STPG2: variants seen among roughly 807,000 people sequenced by gnomAD.
STPG2 encodes sperm-tail PG-rich repeat-containing protein 2.
A neutral mutation model predicts 54.2 loss-of-function variants in STPG2; 56 were observed. The ratio of observed to expected loss-of-function variants is 1.03; its 90% CI spans 0.83 to 1.29. STPG2 has a LOEUF of 1.29. Among genes scored for constraint, STPG2 ranks in the 50% most tolerant of loss-of-function variants. STPG2 has a pLI of 0.00. For missense variants in STPG2, 596 were observed against 544.9 expected (o/e 1.09, Z -0.93); for synonymous variants, 200 against 181.8 (o/e 1.10, Z -0.81).
chr4:97,722,172 A>G (rs1445423966), intron 9 of STPG2, among the ~76,000 whole-genome samples: 1 of 151,894 alleles, frequency 6.6e-6, no homozygotes, highest in Non-Finnish European at 1.5e-5. Context: ...TAAGCTATCC[A>G]TGATTAGTAT....
intron 8 of STPG2, among the ~76,000 whole-genome samples, chr4:97,850,690 T>A (rs951145519): frequency 2.0e-5 from 3 of 152,128 alleles, no homozygotes; most frequent in Non-Finnish European, 4.4e-5. Flanking sequence ...ATAAAAGCCT[T>A]TTCTGAAGTC....
At chr4:97,541,901 G>A (rs1437469410) in intron 4 of STPG2, among the ~76,000 whole-genome samples, 1 of 152,150 alleles carries the variant, frequency 6.6e-6, no homozygotes, top group East Asian at 1.9e-4. Flanking sequence ...ATGGTGATGG[G>A]AAAACTGGCT....
chr4:97,820,954 C>A (rs1728070569), intron 9 of STPG2, among the ~76,000 whole-genome samples: 1 of 152,126 alleles, frequency 6.6e-6, no homozygotes, highest in Non-Finnish European at 1.5e-5. Flanking sequence ...GCATTTCGCC[C>A]TCTGCCCCCC....
intron 5 of STPG2, among the ~76,000 whole-genome samples, chr4:98,105,621 A>G (rs565209086): frequency 5.9e-5 from 9 of 152,252 alleles, no homozygotes; most frequent in African/African-American, 2.2e-4. Flanking sequence ...GGGTCAGAAA[A>G]AAACCAGCAG....
At chr4:98,084,065 G>C (rs144883486) in intron 5 of STPG2, among the ~76,000 whole-genome samples, 1 of 152,072 alleles carries the variant, frequency 6.6e-6, no homozygotes, top group East Asian at 1.9e-4. Flanking sequence ...GCCAGGTCTT[G>C]AACTCCTGGG....
intron 4 of STPG2, among the ~76,000 whole-genome samples, chr4:97,520,776 G>A (rs1206783394): frequency 6.6e-6 from 1 of 151,846 alleles, no homozygotes; most frequent in Admixed American, 6.6e-5. Flanking sequence ...CACAAATATT[G>A]TTTCTCTTTA....
chr4:97,573,235 C>T (rs1444085515), intron 10 of STPG2, among the ~76,000 whole-genome samples: 2 of 151,814 alleles, frequency 1.3e-5, no homozygotes, highest in South Asian at 2.1e-4. Context: ...TAACTATACA[C>T]GTTATATAAA....
At chr4:97,783,403 A>G (rs1726716800) in intron 9 of STPG2, among the ~76,000 whole-genome samples, 1 of 152,214 alleles carries the variant, frequency 6.6e-6, no homozygotes, top group Non-Finnish European at 1.5e-5. Context: ...TAGAATGGCG[A>G]TCATTAAAAA....
chr4:97,796,855 T>C (rs191545559), intron 9 of STPG2, among the ~76,000 whole-genome samples: 295 of 152,346 alleles, frequency 1.9e-3, no homozygotes, highest in African/African-American at 7.0e-3. Context: ...TTTGTTTATG[T>C]CCTCTTTTAT....
intron 5 of STPG2, among the ~76,000 whole-genome samples, chr4:98,068,006 C>A (rs1737886781): frequency 6.6e-6 from 1 of 152,116 alleles, no homozygotes; most frequent in African/African-American, 2.4e-5. Context: ...CTAGATGACC[C>A]AGGCGTCCAA....
intron 5 of STPG2, among the ~76,000 whole-genome samples, chr4:98,046,559 C>T (rs1737135156): frequency 2.0e-5 from 3 of 152,108 alleles, no homozygotes; most frequent in Admixed American, 2.0e-4. Context: ...CTTACCGTCC[C>T]CCAGGAGATT....
chr4:97,966,492 G>A (rs142949831), intron 7 of STPG2, among the ~76,000 whole-genome samples: 282 of 152,270 alleles, frequency 1.9e-3, no homozygotes, highest in African/African-American at 6.6e-3. Context: ...TAGCAAGGCA[G>A]GCCAACATTC....
chr4:98,037,189 T>C (rs912406165), intron 5 of STPG2, among the ~76,000 whole-genome samples: 1 of 152,000 alleles, frequency 6.6e-6, no homozygotes, highest in African/African-American at 2.4e-5. Context: ...AAAATCTTCA[T>C]ACCAAAACCA....
intron 4 of STPG2, among the ~76,000 whole-genome samples, chr4:97,551,537 T>A (rs1560656011): frequency 6.6e-6 from 1 of 152,198 alleles, no homozygotes; most frequent in Non-Finnish European, 1.5e-5. Context: ...TAAAACTTCT[T>A]CTGAGAATGT....
intron 4 of STPG2, among the ~76,000 whole-genome samples, chr4:97,444,091 T>C (rs1729157755): frequency 6.6e-6 from 1 of 152,086 alleles, no homozygotes; most frequent in Non-Finnish European, 1.5e-5. Context: ...AAGGAGAGAT[T>C]ATTATAAAAT....
chr4:97,806,994 T>C (rs545300067), intron 9 of STPG2, among the ~76,000 whole-genome samples: 14 of 152,198 alleles, frequency 9.2e-5, no homozygotes, highest in Admixed American at 8.5e-4. Context: ...GAATAAACTG[T>C]TCAATTTTTA....
intron 8 of STPG2, among the ~76,000 whole-genome samples, chr4:97,888,106 G>A (rs949832863): frequency 2.6e-5 from 4 of 152,214 alleles, no homozygotes; most frequent in Non-Finnish European, 5.9e-5. Flanking sequence ...TGTCCAGTCA[G>A]AAGCCTGCTG....
rs1034413531 is a variant in STPG2, at chr4:97,952,504, G to A, written c.934-8497C>T. On this transcript the variant is annotated intron_variant, in intron 7 of 10. Transcript: ENST00000295268. ...ATACTTTCCTTTCGCCTAGGACCAG[G>A]AGTCCCTGAGAGCCAGGCCACTATG... Among the ~76,000 whole-genome samples, 6 of 152,124 alleles carry A rather than the reference G, an allele frequency of 3.9e-5. No individual in the cohort carries two copies. In the East Asian group the frequency reaches 5.8e-4, roughly 15 times the overall value.
intron 10 of STPG2, among the ~76,000 whole-genome samples, chr4:97,711,773 G>T (rs1052261871): frequency 1.3e-5 from 2 of 150,736 alleles, no homozygotes; most frequent in East Asian, 3.9e-4. Flanking sequence ...AGATCCAAGC[G>T]ATTCTCCTGC....
Sources: gnomAD v4.1 joint callset for allele counts (sites outside exome capture counted in the v4.1 genomes callset) on GRCh38, gnomAD v4.1.1 for gene constraint, MANE v1.5 for transcripts, NCBI Gene and HGNC (gene_info 2026-07-23, HGNC 2026-07-21) for gene names.